FAM13A: variants seen among roughly 807,000 people sequenced by gnomAD.
The protein encoded by FAM13A is protein FAM13A.
In FAM13A, 76 loss-of-function variants were observed where a neutral mutation model predicts 129.6. That is an observed-to-expected ratio of 0.59 (90% CI 0.49 to 0.71). The LOEUF (loss-of-function observed/expected upper bound fraction) is 0.71, where lower values mean the gene tolerates loss of function less well. FAM13A is among the 30% of genes least tolerant of loss of function. The pLI, the probability that FAM13A is intolerant of heterozygous loss-of-function variation, is 0.00. For missense variants in FAM13A, 1,108 were observed against 1,249.3 expected, an observed-to-expected ratio of 0.89 and a Z score of 1.70; for synonymous variants, 443 against 449.9, an observed-to-expected ratio of 0.98 and a Z score of 0.20.
chr4:88,871,962 C>T (rs1348286394), intron 6 of FAM13A, among the ~76,000 whole-genome samples: 1 of 152,222 alleles, frequency 6.6e-6, no homozygotes, highest in Non-Finnish European at 1.5e-5. Context: ...AGAAACTCTA[C>T]AAGCCAGAAG....
intron 9 of FAM13A, among the ~76,000 whole-genome samples, chr4:88,790,213 T>C (rs1272959090): frequency 1.3e-5 from 2 of 152,148 alleles, no homozygotes; most frequent in African/African-American, 4.8e-5. Flanking sequence ...TTCAGTCAAA[T>C]GAACTAAGTA....
chr4:89,044,679 C>T (rs151259833), intron 1 of FAM13A, among the ~76,000 whole-genome samples: 37 of 151,978 alleles, frequency 2.4e-4, no homozygotes, highest in South Asian at 8.3e-4. Flanking sequence ...TAAATTGTTT[C>T]GCAACAGATG....
chr4:88,878,113 C>T (rs1003337864), intron 6 of FAM13A, among the ~76,000 whole-genome samples: 4 of 151,718 alleles, frequency 2.6e-5, no homozygotes, highest in Non-Finnish European at 5.9e-5. Flanking sequence ...CACGGTGAAA[C>T]CCCGTCTCTA....
chr4:88,768,853 T>G (rs1289672914), intron 11 of FAM13A, among the ~76,000 whole-genome samples: 1 of 152,188 alleles, frequency 6.6e-6, no homozygotes, highest in Non-Finnish European at 1.5e-5. Flanking sequence ...TTTGACTGCC[T>G]CTGTGAATAT....
At position 88,770,844 on chromosome 4, in the gene FAM13A, T is replaced by C. The variant is rs75670325; in HGVS notation, c.1459-2785A>G. Among the ~76,000 whole-genome samples the C allele has an allele frequency of 4.2e-3, 634 of 152,310 alleles. 1 individual carries two copies. Among genetic ancestry groups the C allele is most frequent in the African/African-American group, 0.015 (614 of 41,588 alleles). ...CAGTGTTAAAACAAGTATTAACTTC[T>C]TCAACTCCATCCCTACCACTTTTTA... On this transcript the variant is annotated intron_variant, in intron 11 of 23. Transcript: ENST00000264344.
chr4:88,945,107 T>C (rs780442039), intron 4 of FAM13A, among the ~76,000 whole-genome samples: 5 of 152,180 alleles, frequency 3.3e-5, no homozygotes, highest in Non-Finnish European at 7.3e-5. Context: ...AGAGAAACAT[T>C]ATGTTTCAAA....
chr4:88,921,575 T>C (rs1042459311), intron 5 of FAM13A, among the ~76,000 whole-genome samples: 6 of 152,248 alleles, frequency 3.9e-5, no homozygotes, highest in African/African-American at 9.6e-5. Context: ...AAGGAACAAC[T>C]GGTACCAGCC....
chr4:88,936,816 A>T (rs1579367459), intron 5 of FAM13A: 1 of 152,168 alleles, frequency 6.6e-6, no homozygotes, highest in Admixed American at 6.5e-5. Flanking sequence ...ATTTTTAATT[A>T]TCATTATAGG....
At chr4:88,994,084 C>G (rs980466148) in intron 3 of FAM13A, among the ~76,000 whole-genome samples, 2 of 152,074 alleles carry the variant, frequency 1.3e-5, no homozygotes, top group Non-Finnish European at 2.9e-5. Context: ...TTCCATCTAC[C>G]TCCTTCCATT....
intron 19 of FAM13A, among the ~76,000 whole-genome samples, chr4:88,740,031 G>A (rs1384484103): frequency 1.3e-5 from 2 of 152,082 alleles, no homozygotes; most frequent in African/African-American, 4.8e-5. Flanking sequence ...GTATAGTATT[G>A]GAAGCTCCTC....
intron 13 of FAM13A, among the ~76,000 whole-genome samples, chr4:88,764,946 T>C (rs571390530): frequency 5.3e-5 from 8 of 152,328 alleles, no homozygotes; most frequent in Admixed American, 3.9e-4. Context: ...AATCTCGTTT[T>C]GGACAATATT....
intron 11 of FAM13A, 159 bp from the exon 12 acceptor site, chr4:88,768,218 G>T: frequency 3.8e-6 from 2 of 524,548 alleles, no homozygotes; most frequent in Non-Finnish European, 6.8e-6. Flanking sequence ...AATTATGACA[G>T]TTTATTATAT....
chr4:88,732,151 G>A lies in FAM13A; in HGVS notation c.2694C>T (p.Phe898=). The change falls in exon 22 of 24, where the codon TTC becomes TTT. Residue 898 remains phenylalanine (F), a synonymous_variant. Coordinates refer to ENST00000264344, the MANE Select transcript of FAM13A (RefSeq NM_014883.4). The part of the protein sequence containing the change: ...SEDDSNVKPD[F]MVTLKTDFSA... ...TGAAATCGGTTTTCAGAGTGACCAT[G>A]AAGTCTGGCTTCACATTGCTATCGT... 1 of 1,613,522 alleles carries A rather than the reference G, an allele frequency of 6.2e-7. No individual in the cohort carries two copies. The highest frequency in any genetic ancestry group is 8.5e-7 in the Non-Finnish European group (1 of 1,179,656).
chr4:88,843,962 G>C (rs939064926), intron 7 of FAM13A, among the ~76,000 whole-genome samples: 5 of 152,176 alleles, frequency 3.3e-5, no homozygotes, highest in Non-Finnish European at 5.9e-5. Context: ...AGGACCTGAA[G>C]AGAGAAAACT....
intron 7 of FAM13A, among the ~76,000 whole-genome samples, chr4:88,837,226 C>T (rs981769411): frequency 7.9e-5 from 12 of 151,172 alleles, no homozygotes; most frequent in Admixed American, 6.6e-4. Flanking sequence ...AACTCCAGAC[C>T]TCAGGTGATC....
rs527783691 is a variant in FAM13A, at chr4:88,919,660, C to T, written c.760-13198G>A. On this transcript the variant is annotated intron_variant, in intron 5 of 23. Coordinates refer to ENST00000264344, the MANE Select transcript of FAM13A (RefSeq NM_014883.4). ...ATTTCTGCATTTCCATCTGAGGTACCGGGTTCATCTCACTAGGGAGTGCCA... is the reference window on the plus strand; with the variant it reads ...ATTTCTGCATTTCCATCTGAGGTACTGGGTTCATCTCACTAGGGAGTGCCA... Among the ~76,000 whole-genome samples the T allele has an allele frequency of 1.8e-3, 273 of 152,254 alleles. 1 individual carries two copies. Among genetic ancestry groups the T allele is most frequent in the Middle Eastern group, 3.4e-3 (1 of 294 alleles).
intron 13 of FAM13A, among the ~76,000 whole-genome samples, chr4:88,763,281 A>G (rs200031415): frequency 2.1e-4 from 3 of 14,532 alleles, no homozygotes; most frequent in Non-Finnish European, 8.9e-4. Context: ...CCATTCGTTC[A>G]TTCATTCATT....
intron 5 of FAM13A, among the ~76,000 whole-genome samples, chr4:88,921,970 G>A (rs1419655986): frequency 6.6e-6 from 1 of 151,942 alleles, no homozygotes; most frequent in Admixed American, 6.6e-5. Context: ...TTACATAATG[G>A]TAAAGGGATC....
At chr4:88,904,241 A>G (rs1270777959) in intron 6 of FAM13A, among the ~76,000 whole-genome samples, 1 of 152,202 alleles carries the variant, frequency 6.6e-6, no homozygotes, top group Non-Finnish European at 1.5e-5. Context: ...CAGAAATACC[A>G]TATGACCCAG....
Sources: allele counts gnomAD v4.1 joint callset (sites outside exome capture counted in the v4.1 genomes callset), GRCh38; gene constraint gnomAD v4.1.1; transcripts MANE v1.5; gene names NCBI Gene and HGNC (gene_info 2026-07-23, HGNC 2026-07-21).